Variants in DYRK3 observed in about 807,000 individuals in gnomAD.
The protein encoded by DYRK3 is dual specificity tyrosine phosphorylation regulated kinase 3.
DYRK3 carries 30 observed loss-of-function variants against 40.8 expected under a neutral mutation model. That is an observed-to-expected ratio of 0.74 (90% confidence interval 0.55 to 1.00). The LOEUF is 1.00. Ranked by LOEUF, DYRK3 falls within the 50% of genes least tolerant of loss-of-function variation. The pLI is 0.00. For missense variants in DYRK3, 699 were observed against 731.5 expected (o/e 0.96, Z 0.51); for synonymous variants, 272 against 260.7 (o/e 1.04, Z -0.42).
In DYRK3 at chr1:206,635,839, A is replaced by C; in HGVS notation, c.77+59A>C. The C allele has an allele frequency of 4.8e-6, 6 of 1,240,820 alleles. No individual in the cohort carries two copies. The South Asian group carries it at 2.2e-4, about 46-fold the overall frequency. The allele number at this position is 1,240,820 out of a possible 1,614,324, so 76.9% of individuals were successfully genotyped here. A position where few individuals can be genotyped will look rare whatever the true frequency, so the allele number is the denominator to read the frequency against. ...CCACAGGGAGCGGCTGGCGCTGGCA[A>C]GCGAAGCTTGGGGGTGGGGAGGAGG... On this transcript the variant is annotated intron_variant, in intron 1 of 2. Transcript: ENST00000367109.
rs1383705548 is a variant in DYRK3, at chr1:206,650,720, A to G, written c.*1755A>G. Among the ~76,000 whole-genome samples the G allele has an allele frequency of 6.6e-6, 1 of 152,242 alleles. No individual in the cohort carries two copies. Among genetic ancestry groups the G allele is most frequent in the African/African-American group, 2.4e-5 (1 of 41,462 alleles). On this transcript the variant is annotated 3_prime_UTR_variant, in exon 3 of 3. Transcript: ENST00000367109. The stretch of plus-strand genomic sequence containing the variant: ...AAGAAAAGAAAATAAAAATGCCATG[A>G]GTATATTATTTAAGGAACTTTTGTT...
chr1:206,640,071 G>C (rs1671242909), intron 2 of DYRK3, among the ~76,000 whole-genome samples: 4 of 151,572 alleles, frequency 2.6e-5, no homozygotes, highest in Admixed American at 2.6e-4. Flanking sequence ...AAGTAGCTGG[G>C]ATTACAGGCA....
rs556718022 is a variant in DYRK3, at chr1:206,644,031, C to CTTTTTTTT, written c.190-3343_190-3336dup. Among the ~76,000 whole-genome samples, 456 of 101,044 alleles carry CTTTTTTTT rather than the reference C, an allele frequency of 4.5e-3. 43 individuals are homozygous for CTTTTTTTT. Among genetic ancestry groups the CTTTTTTTT allele is most frequent in the African/African-American group, 0.014 (374 of 26,442 alleles). The allele number at this position is 101,044 out of a possible 152,430, so 66.3% of individuals were successfully genotyped here. A position where few individuals can be genotyped will look rare whatever the true frequency, so the allele number is the denominator to read the frequency against. On this transcript the variant is annotated intron_variant, in intron 2 of 2. Transcript: ENST00000367109. ...TCAGGAAGGCAACAGGGACCTACAG[C>CTTTTTTTT]TTTTTTTTTTTTTTTTTTTTTGAGA...
At chr1:206,644,314 C>T (rs980550830) in intron 2 of DYRK3, among the ~76,000 whole-genome samples, 26 of 151,564 alleles carry the variant, frequency 1.7e-4, no homozygotes, top group Non-Finnish European at 2.9e-4. Flanking sequence ...GGATTACAGG[C>T]GTGAGCCACC....
chr1:206,637,765 A>C lies in DYRK3; in HGVS notation c.189+4A>C. On this transcript the variant is annotated splice_donor_region_variant and intron_variant, in intron 2 of 2. Transcript: ENST00000367109. ...ACCTCCACCCAGAAGACTAAATGTA[A>C]GTAAAAGAAGTCATTCTTTGTACAT... 6.3e-7 allele frequency: 1 copy of C among 1,599,988 alleles called. No individual in the cohort carries two copies. The highest frequency in any genetic ancestry group is 8.6e-7 in the Non-Finnish European group (1 of 1,167,636).
Position 206,647,793 on chromosome 1 carries a change from C to T in DYRK3, c.595C>T (p.His199Tyr). Residue 199 changes from histidine (H) to tyrosine (Y), a missense_variant, in exon 3 of 3, where the codon CAT becomes TAT. Physicochemically the swap from His to Tyr is moderately conservative, Grantham distance 83. Coordinates refer to ENST00000367109, the MANE Select transcript of DYRK3 (RefSeq NM_003582.4). ...GYDDADGAYI[H>Y]VPRDHLAYRY... ...TGATGATGCAGATGGGGCCTATATT[C>T]ATGTACCTCGAGACCATCTAGCTTA... 2 of 1,614,076 alleles carry T rather than the reference C, an allele frequency of 1.2e-6. No individual in the cohort carries two copies. Among genetic ancestry groups the T allele is most frequent in the East Asian group, 2.2e-5 (1 of 44,870 alleles).
At position 206,638,894 on chromosome 1, in the gene DYRK3, T is replaced by C. The variant is rs200868352; in HGVS notation, c.189+1133T>C. Among the ~76,000 whole-genome samples the C allele has an allele frequency of 1.4e-3, 209 of 149,118 alleles. 3 individuals are homozygous for C. The East Asian group carries it at 0.038, about 27-fold the overall frequency. ...TTTTCCTTTTTTTTTTTTTTTTTTT[T>C]CCTGAGACGCAGTCTTACTCTGTCT... On this transcript the variant is annotated intron_variant, in intron 2 of 2. Coordinates refer to ENST00000367109, the MANE Select transcript of DYRK3 (RefSeq NM_003582.4).
intron 2 of DYRK3, among the ~76,000 whole-genome samples, chr1:206,641,449 A>ATG (rs1258189433): frequency 1.3e-5 from 2 of 150,012 alleles, no homozygotes; most frequent in Non-Finnish European, 2.9e-5. Flanking sequence ...TCTATGGTAT[A>ATG]TATATATATA....
In DYRK3 at chr1:206,652,946, A is replaced by G. The variant is rs1553421487; in HGVS notation, c.*3981A>G. On this transcript the variant is annotated 3_prime_UTR_variant, in exon 3 of 3. Coordinates refer to ENST00000367109, the MANE Select transcript of DYRK3 (RefSeq NM_003582.4). ...ACTGAGTTCTAAATTGACAAATTTT[A>G]ATTTCCAAGTTGTTTCTGACACGGT... Among the ~76,000 whole-genome samples the G allele has an allele frequency of 6.6e-6, 1 of 152,218 alleles. No individual in the cohort carries two copies. Among genetic ancestry groups the G allele is most frequent in the African/African-American group, 2.4e-5 (1 of 41,458 alleles).
intron 2 of DYRK3, among the ~76,000 whole-genome samples, chr1:206,647,183 G>A (rs1671479485): frequency 1.3e-5 from 2 of 152,132 alleles, no homozygotes; most frequent in African/African-American, 2.4e-5. Context: ...ATGGGGGTTA[G>A]GGATGGCCGC....
intron 1 of DYRK3, among the ~76,000 whole-genome samples, chr1:206,636,529 A>G (rs1671116776): frequency 6.6e-6 from 1 of 152,218 alleles, no homozygotes. Flanking sequence ...AAATAATTCT[A>G]TCAGAATGTG....
intron 1 of DYRK3, chr1:206,636,951 A>T (rs1553418468): frequency 6.2e-7 from 1 of 1,611,216 alleles, no homozygotes; most frequent in Non-Finnish European, 8.5e-7. Flanking sequence ...TCCACCAGAA[A>T]ATGAAGTGGA....
At chr1:206,646,577 A>G (rs1336722870) in intron 2 of DYRK3, among the ~76,000 whole-genome samples, 1 of 152,234 alleles carries the variant, frequency 6.6e-6, no homozygotes, top group African/African-American at 2.4e-5. Context: ...AGTTCTCTTT[A>G]ACTTAGAGCT....
chr1:206,647,964 A>G lies in DYRK3; in HGVS notation c.766A>G (p.Ile256Val), dbSNP rs1215427529. 7 of 1,614,010 alleles carry G rather than the reference A, an allele frequency of 4.3e-6. No individual in the cohort carries two copies. Among genetic ancestry groups the G allele is most frequent in the Admixed American group, 1.7e-5 (1 of 59,982 alleles). The change falls in exon 3 of 3, where the codon ATT becomes GTT. Residue 256 changes from isoleucine to valine, a missense_variant. Physicochemically the swap from Ile to Val is conservative, Grantham distance 29. Coordinates refer to ENST00000367109, the MANE Select transcript of DYRK3 (RefSeq NM_003582.4). ...FHRQAAEEIRILEHLKKQDKT... is the reference protein window; with the variant it reads ...FHRQAAEEIRVLEHLKKQDKT... ...TCGTCAAGCAGCTGAGGAGATCCGGATTTTGGAGCATCTTAAGAAACAGGA... is the reference window on the plus strand; with the variant it reads ...TCGTCAAGCAGCTGAGGAGATCCGGGTTTTGGAGCATCTTAAGAAACAGGA...
chr1:206,653,381 TCTATC>T lies in DYRK3; in HGVS notation c.*4420_*4424del, dbSNP rs1671680371. 6.6e-6 allele frequency among the ~76,000 whole-genome samples: 1 copy of T among 152,196 alleles called. No individual in the cohort carries two copies. Among genetic ancestry groups the T allele is most frequent in the Non-Finnish European group, 1.5e-5 (1 of 68,038 alleles). On this transcript the variant is annotated 3_prime_UTR_variant, in exon 3 of 3. Coordinates refer to ENST00000367109, the MANE Select transcript of DYRK3 (RefSeq NM_003582.4). ...CTAATACCTGCTCATCTTCTAGTAT[TCTATC>T]CTACCATCTACCCTCAGAGTTATTG...
intron 2 of DYRK3, among the ~76,000 whole-genome samples, chr1:206,645,537 A>T (rs1028593094): frequency 1.1e-4 from 16 of 151,992 alleles, no homozygotes; most frequent in Non-Finnish European, 2.1e-4. Flanking sequence ...TTTTTGAGAC[A>T]GTCTCTCACT....
chr1:206,652,700 C>A lies in DYRK3; in HGVS notation c.*3735C>A, dbSNP rs1553421467. 6.6e-6 allele frequency among the ~76,000 whole-genome samples: 1 copy of A among 152,168 alleles called. No individual in the cohort carries two copies. Among genetic ancestry groups the A allele is most frequent in the East Asian group, 1.9e-4 (1 of 5,192 alleles). ...AGGAAGTTTATGGTTGGGTTTCAAG[C>A]TTAGGGACAAGTTGTGGTTTTTAGA... On this transcript the variant is annotated 3_prime_UTR_variant, in exon 3 of 3. Coordinates refer to ENST00000367109, the MANE Select transcript of DYRK3 (RefSeq NM_003582.4).
intron 2 of DYRK3, among the ~76,000 whole-genome samples, chr1:206,638,444 T>C (rs558949555): frequency 6.6e-6 from 1 of 151,786 alleles, no homozygotes; most frequent in Non-Finnish European, 1.5e-5. Context: ...GCCTGGCTAA[T>C]TTTTGTATTT....
chr1:206,643,128 G>A (rs1671337956), intron 2 of DYRK3, among the ~76,000 whole-genome samples: 1 of 152,040 alleles, frequency 6.6e-6, no homozygotes, highest in Non-Finnish European at 1.5e-5. Context: ...AGGAGAGTGG[G>A]TGAGGTAAGG....
Sources: allele counts gnomAD v4.1 joint callset (sites outside exome capture counted in the v4.1 genomes callset), GRCh38; gene constraint gnomAD v4.1.1; transcripts MANE v1.5; gene names NCBI Gene and HGNC (gene_info 2026-07-23, HGNC 2026-07-21).